Variants in SDK1 observed in about 807,000 individuals in gnomAD.
The protein encoded by SDK1 is protein sidekick-1.
A neutral mutation model predicts 245.5 loss-of-function variants in SDK1; 157 were observed. The observed-to-expected ratio is 0.64, with a 90% CI of 0.56 to 0.73. SDK1 has a LOEUF of 0.73. Among genes scored for constraint, SDK1 ranks in the 30% least tolerant of loss-of-function variants. The pLI, the probability that SDK1 is intolerant of heterozygous loss-of-function variation, is 0.00. For synonymous variants in SDK1, 1,647 were observed against 1,278.5 expected (o/e 1.29, Z -6.15); for missense variants, 3,583 against 3,002.3 (o/e 1.19, Z -4.52).
intron 5 of SDK1, among the ~76,000 whole-genome samples, chr7:3,859,420 ACTCACG>A (rs937175296): frequency 6.6e-6 from 1 of 151,070 alleles, no homozygotes; most frequent in African/African-American, 2.4e-5. Flanking sequence ...GAAAACCTCA[ACTCACG>A]CTGGTTTTGG....
chr7:3,863,940 A>G (rs1780757913), intron 5 of SDK1, among the ~76,000 whole-genome samples: 1 of 152,136 alleles, frequency 6.6e-6, no homozygotes, highest in South Asian at 2.1e-4. Flanking sequence ...TTCTTTGGGT[A>G]TATACCTGGG....
At chr7:3,702,781 A>C (rs1422828483) in intron 4 of SDK1, among the ~76,000 whole-genome samples, 2 of 152,118 alleles carry the variant, frequency 1.3e-5, no homozygotes, top group African/African-American at 2.4e-5. Flanking sequence ...CAGCATTTTT[A>C]CTCATGGTAC....
chr7:3,626,588 C>A (rs1009306589), intron 2 of SDK1, among the ~76,000 whole-genome samples: 1 of 152,212 alleles, frequency 6.6e-6, no homozygotes, highest in East Asian at 1.9e-4. Flanking sequence ...GCCATGGATT[C>A]TCTAATTACA....
chr7:3,542,129 C>T lies in SDK1; in HGVS notation c.299-76951C>T, dbSNP rs202144912. 1.1e-4 allele frequency among the ~76,000 whole-genome samples: 16 copies of T among 152,218 alleles called. No homozygotes were observed. In the East Asian group the frequency reaches 2.7e-3, roughly 26 times the overall value. On this transcript the variant is annotated intron_variant, in intron 1 of 44. Coordinates refer to ENST00000404826, the MANE Select transcript of SDK1 (RefSeq NM_152744.4). ...AATTTAATTGTCGATAAGTCATCAG[C>T]GGCAAACCCAAACTGTAGAATTTTA...
intron 11 of SDK1, among the ~76,000 whole-genome samples, chr7:3,969,655 G>A (rs932641213): frequency 2.5e-4 from 38 of 152,312 alleles, no homozygotes; most frequent in Admixed American, 9.8e-4. Context: ...CAGGAGAGAC[G>A]AAAGATTGAC....
intron 1 of SDK1, among the ~76,000 whole-genome samples, chr7:3,517,198 A>G (rs564831366): frequency 6.6e-6 from 1 of 152,288 alleles, no homozygotes; most frequent in South Asian, 2.1e-4. Context: ...AGGAAGCTGT[A>G]TTATTAGGTT....
chr7:3,496,850 T>G (rs1488556465), intron 1 of SDK1, among the ~76,000 whole-genome samples: 1 of 152,146 alleles, frequency 6.6e-6, no homozygotes, highest in Admixed American at 6.6e-5. Context: ...GAAGATAAAA[T>G]CCTTTCCCCC....
intron 32 of SDK1, among the ~76,000 whole-genome samples, chr7:4,163,477 C>T (rs1221474547): frequency 6.6e-6 from 1 of 152,120 alleles, no homozygotes; most frequent in Admixed American, 6.5e-5. Flanking sequence ...AAAGTGGGGG[C>T]TGCGGGAAAT....
At chr7:3,758,607 A>C (rs1408482965) in intron 4 of SDK1, among the ~76,000 whole-genome samples, 8 of 152,120 alleles carry the variant, frequency 5.3e-5, no homozygotes, top group Non-Finnish European at 1.2e-4. Flanking sequence ...TGTTTGTTTG[A>C]CGTGCTCTTA....
At chr7:3,667,796 A>C (rs146278259) in intron 4 of SDK1, among the ~76,000 whole-genome samples, 22 of 152,296 alleles carry the variant, frequency 1.4e-4, no homozygotes, top group African/African-American at 5.3e-4. Context: ...CTTTATTCAT[A>C]AGTAGTATTT....
intron 2 of SDK1, among the ~76,000 whole-genome samples, chr7:3,630,633 C>G (rs1782261627): frequency 6.6e-6 from 1 of 151,838 alleles, no homozygotes; most frequent in South Asian, 2.1e-4. Flanking sequence ...AAGACTCCAT[C>G]TCAAGAAGAA....
chr7:3,548,523 A>C (rs1028407860), intron 1 of SDK1, among the ~76,000 whole-genome samples: 2 of 152,208 alleles, frequency 1.3e-5, no homozygotes, highest in African/African-American at 4.8e-5. Flanking sequence ...TGTCGTAAAC[A>C]ATGCTGAGAT....
Position 3,309,342 on chromosome 7 carries a change from G to C in SDK1, c.298+7458G>C, listed in dbSNP as rs113320155. On this transcript the variant is annotated intron_variant, in intron 1 of 44. Coordinates refer to ENST00000404826, the MANE Select transcript of SDK1 (RefSeq NM_152744.4). ...TGGCAACAGAAAAAGTGTTCATATA[G>C]GATATAATCTGTGGTTTCCACAGCC... Among the ~76,000 whole-genome samples the C allele has an allele frequency of 3.5e-4, 53 of 150,708 alleles. 3 individuals are homozygous for C. The highest frequency in any genetic ancestry group is 1.0e-3 in the African/African-American group (41 of 41,166).
At chr7:3,884,852 G>C (rs1034617587) in intron 5 of SDK1, among the ~76,000 whole-genome samples, 15 of 152,346 alleles carry the variant, frequency 9.8e-5, no homozygotes, top group East Asian at 9.7e-4. Flanking sequence ...CAGATTAGCT[G>C]ATGGGGCCTT....
At chr7:3,706,637 C>T (rs1029536373) in intron 4 of SDK1, among the ~76,000 whole-genome samples, 1 of 152,138 alleles carries the variant, frequency 6.6e-6, no homozygotes, top group Non-Finnish European at 1.5e-5. Context: ...CTCCTGACCT[C>T]GTGATCCACC....
chr7:3,663,731 T>A (rs1447682151), intron 4 of SDK1, among the ~76,000 whole-genome samples: 2 of 152,144 alleles, frequency 1.3e-5, no homozygotes, highest in East Asian at 1.9e-4. Context: ...GGTATAAAAC[T>A]TGCCACACTA....
At chr7:4,038,427 G>A (rs1788371014) in intron 17 of SDK1, among the ~76,000 whole-genome samples, 2 of 152,082 alleles carry the variant, frequency 1.3e-5, no homozygotes, top group Non-Finnish European at 2.9e-5. Context: ...TTTATTTTGA[G>A]GGATTCAAAC....
In SDK1 at chr7:3,345,564, T is replaced by C. The variant is rs978299615; in HGVS notation, c.298+43680T>C. ...CCCCACCATTCAATAACATGAGTTA[T>C]CTTTTTTTCCAGGAAATTATTTCTG... On this transcript the variant is annotated intron_variant, in intron 1 of 44. Transcript: ENST00000404826. Among the ~76,000 whole-genome samples the C allele has an allele frequency of 4.6e-5, 7 of 152,082 alleles. No individual in the cohort carries two copies. In the South Asian group the frequency reaches 1.0e-3, roughly 23 times the overall value.
intron 1 of SDK1, among the ~76,000 whole-genome samples, chr7:3,596,370 G>T (rs1375100206): frequency 6.6e-6 from 1 of 152,194 alleles, no homozygotes; most frequent in Non-Finnish European, 1.5e-5. Context: ...CAGTCATTGT[G>T]GTAAAGTTGC....
Sources: gnomAD v4.1 joint callset for allele counts (sites outside exome capture counted in the v4.1 genomes callset) on GRCh38, gnomAD v4.1.1 for gene constraint, MANE v1.5 for transcripts, NCBI Gene and HGNC (gene_info 2026-07-23, HGNC 2026-07-21) for gene names.